SPSB1: variants seen among roughly 807,000 people sequenced by gnomAD.
The protein encoded by SPSB1 is SPRY domain-containing SOCS box protein 1.
Under a neutral mutation model 21.2 loss-of-function variants are expected in SPSB1, and 8 were observed. That is an observed-to-expected ratio of 0.38 (90% CI 0.22 to 0.68). The LOEUF (loss-of-function observed/expected upper bound fraction) is 0.68. Ranked by LOEUF, SPSB1 falls within the 30% of genes least tolerant of loss-of-function variation. The pLI is 0.53. For missense variants in SPSB1, 242 were observed against 377.8 expected (o/e 0.64, Z 2.98); for synonymous variants, 169 against 161.7 (o/e 1.05, Z -0.34).
chr1:9,332,200 A>G (rs1270985758), intron 1 of SPSB1, among the ~76,000 whole-genome samples: 1 of 152,042 alleles, frequency 6.6e-6, no homozygotes, highest in Non-Finnish European at 1.5e-5. Context: ...AAAAAAAAAA[A>G]AAATCTCAAT....
At chr1:9,311,645 G>A (rs1196881813) in intron 1 of SPSB1, among the ~76,000 whole-genome samples, 1 of 152,116 alleles carries the variant, frequency 6.6e-6, no homozygotes, top group Non-Finnish European at 1.5e-5. Flanking sequence ...GGAGCATTCT[G>A]TAGAAGATTT....
At chr1:9,325,238 G>T (rs55689606) in intron 1 of SPSB1, among the ~76,000 whole-genome samples, 108,226 of 131,632 alleles carry the variant, frequency 0.82, 44,470 homozygotes, top group Non-Finnish European at 0.9. Flanking sequence ...CCCCCCCCCC[G>T]CCCCGCCTCC....
intron 1 of SPSB1, among the ~76,000 whole-genome samples, chr1:9,301,659 G>T (rs998501339): frequency 6.6e-6 from 1 of 152,172 alleles, no homozygotes; most frequent in African/African-American, 2.4e-5. Context: ...CCCTGTCATC[G>T]CCTGGTGGGC....
At chr1:9,357,484 G>A (rs1213386262) in intron 2 of SPSB1, among the ~76,000 whole-genome samples, 1 of 152,204 alleles carries the variant, frequency 6.6e-6, no homozygotes, top group Non-Finnish European at 1.5e-5. Flanking sequence ...GCTGGGGTTT[G>A]TAACCTTGGG....
Position 9,356,444 on chromosome 1 carries a change from G to C in SPSB1, c.553G>C (p.Asp185His). ...DSFLVALDMD[D>H]GTLSFIVDGQ... is the part of the protein sequence containing the mutation. The stretch of plus-strand genomic sequence containing the variant: ...CTTCCTGGTAGCCCTGGACATGGAC[G>C]ACGGGACTCTGAGCTTCATTGTGGA... The change falls in exon 2 of 3, where the codon GAC becomes CAC. Residue 185 changes from aspartate (D) to histidine (H), a missense_variant. Transcript: ENST00000328089. This position sits in a 1 kb window ranked among gnomAD's most constrained non-coding sequence, Gnocchi z 7.4. 1 of 1,614,100 alleles carries C rather than the reference G, an allele frequency of 6.2e-7. No individual in the cohort carries two copies. The highest frequency in any genetic ancestry group is 8.5e-7 in the Non-Finnish European group (1 of 1,180,044).
chr1:9,338,683 C>A (rs902100895), intron 1 of SPSB1, among the ~76,000 whole-genome samples: 11 of 152,280 alleles, frequency 7.2e-5, no homozygotes, highest in African/African-American at 2.4e-4. Flanking sequence ...TCTGGCCTTG[C>A]AGGCAGGGCT....
intron 1 of SPSB1, among the ~76,000 whole-genome samples, chr1:9,342,524 T>A (rs1216301877): frequency 6.6e-6 from 1 of 152,178 alleles, no homozygotes; most frequent in African/African-American, 2.4e-5. Flanking sequence ...GGTGTTGACC[T>A]GCTCAGTGAG....
intron 1 of SPSB1, among the ~76,000 whole-genome samples, chr1:9,340,155 C>T (rs537113321): frequency 2.0e-5 from 3 of 152,296 alleles, no homozygotes; most frequent in Admixed American, 6.5e-5. Context: ...GTGACCAGTT[C>T]CCTCGCCCCT....
intron 2 of SPSB1, among the ~76,000 whole-genome samples, chr1:9,357,674 C>T (rs1326568304): frequency 6.6e-6 from 1 of 152,178 alleles, no homozygotes; most frequent in African/African-American, 2.4e-5. Context: ...GAGTCAACAG[C>T]GAACTCCACC....
At chr1:9,334,967 A>C (rs1156582480) in intron 1 of SPSB1, among the ~76,000 whole-genome samples, 1 of 152,102 alleles carries the variant, frequency 6.6e-6, no homozygotes, top group African/African-American at 2.4e-5. Context: ...GGTTGCTTGC[A>C]CCTTTTGGCC....
chr1:9,337,516 G>A (rs1477035914), intron 1 of SPSB1, among the ~76,000 whole-genome samples: 1 of 152,150 alleles, frequency 6.6e-6, no homozygotes, highest in African/African-American at 2.4e-5. Context: ...AACAGGGTGA[G>A]GCTGGGGGTA....
intron 1 of SPSB1, among the ~76,000 whole-genome samples, chr1:9,332,279 C>G (rs74051628): frequency 4.6e-5 from 7 of 152,100 alleles, no homozygotes; most frequent in Admixed American, 1.3e-4. Flanking sequence ...TTGCAGTGGC[C>G]TTGCAAGTGA....
At chr1:9,337,621 G>A (rs1319038499) in intron 1 of SPSB1, among the ~76,000 whole-genome samples, 2 of 152,140 alleles carry the variant, frequency 1.3e-5, no homozygotes, top group African/African-American at 4.8e-5. Flanking sequence ...GCTGAGGTGG[G>A]GTCCCCAGTT....
intron 1 of SPSB1, among the ~76,000 whole-genome samples, chr1:9,313,965 C>G (rs1291260097): frequency 1.3e-5 from 2 of 152,156 alleles, no homozygotes; most frequent in East Asian, 3.9e-4. Context: ...CACTTGAGGT[C>G]AGGAGCTTGA....
intron 1 of SPSB1, among the ~76,000 whole-genome samples, chr1:9,304,517 T>G (rs1196035885): frequency 3.3e-5 from 5 of 152,212 alleles, no homozygotes; most frequent in Non-Finnish European, 7.4e-5. Flanking sequence ...TGGCGGTTCA[T>G]ATCCCTGACC....
At chr1:9,332,329 A>G (rs544885454) in intron 1 of SPSB1, among the ~76,000 whole-genome samples, 2 of 152,286 alleles carry the variant, frequency 1.3e-5, no homozygotes, top group South Asian at 2.1e-4. Context: ...TTCAGCAACT[A>G]TGGGGGCAGC....
At position 9,356,067 on chromosome 1, in the gene SPSB1, A is replaced by G. The variant is rs1371485505; in HGVS notation, c.176A>G (p.Asn59Ser). 1 of 1,613,666 alleles carries G rather than the reference A, an allele frequency of 6.2e-7. No homozygotes were observed. Among genetic ancestry groups the G allele is most frequent in the South Asian group, 1.1e-5 (1 of 91,030 alleles). Residue 59 changes from asparagine (N) to serine (S), a missense_variant, in exon 2 of 3, where the codon AAC (asparagine) becomes AGC (serine). Coordinates refer to ENST00000328089, the MANE Select transcript of SPSB1 (RefSeq NM_025106.4). The surrounding 1 kb of genome is among the most constrained non-coding windows in gnomAD (Gnocchi z 7.4). ...DVQLLHSWNN[N>S]DRSLNVFVKE... ...CAGCTGCTGCATTCATGGAACAACAACGACCGATCGCTCAATGTCTTTGTG... is the reference window on the plus strand; with the variant it reads ...CAGCTGCTGCATTCATGGAACAACAGCGACCGATCGCTCAATGTCTTTGTG...
intron 1 of SPSB1, among the ~76,000 whole-genome samples, chr1:9,311,214 C>T (rs1639515312): frequency 6.6e-6 from 1 of 151,270 alleles, no homozygotes; most frequent in Non-Finnish European, 1.5e-5. Flanking sequence ...TCCCTGAATG[C>T]CCGCTCTGTC....
chr1:9,332,807 T>C (rs1237802637), intron 1 of SPSB1, among the ~76,000 whole-genome samples: 1 of 152,088 alleles, frequency 6.6e-6, no homozygotes, highest in Non-Finnish European at 1.5e-5. Context: ...ATTTATCGAT[T>C]AGGAGGTCAT....
Sources: allele counts gnomAD v4.1 joint callset (sites outside exome capture counted in the v4.1 genomes callset), GRCh38; gene constraint gnomAD v4.1.1; non-coding constraint Gnocchi (gnomAD v3.1); transcripts MANE v1.5; gene names NCBI Gene and HGNC (gene_info 2026-07-23, HGNC 2026-07-21).